The following OPHN1 variants were observed in gnomAD, a reference collection of about 807,000 sequenced individuals.
The protein encoded by OPHN1 is oligophrenin-1.
Under a neutral mutation model 60.7 loss-of-function variants are expected in OPHN1, and 11 were observed. The ratio of observed to expected loss-of-function variants is 0.18; its 90% CI spans 0.11 to 0.30. OPHN1 has a LOEUF of 0.30. Ranked by LOEUF, OPHN1 falls within the 10% of genes least tolerant of loss-of-function variation. The probability of loss-of-function intolerance (pLI) is 1.00; values close to 1 mark genes in which losing one functional copy is unlikely to be tolerated. For missense variants in OPHN1, 449 were observed against 611.0 expected (o/e 0.73, Z 2.80); for synonymous variants, 226 against 222.6 (o/e 1.02, Z -0.14).
At chrX:68,340,323 AC>A (rs1348186888) in intron 2 of OPHN1, among the ~76,000 whole-genome samples, 2 of 112,604 alleles carry the variant, frequency 1.8e-5, no homozygotes, top group East Asian at 5.6e-4. Context: ...CTACACAGCC[AC>A]AGTAATCATG....
chrX:68,054,439 A>G (rs2076864660), intron 21 of OPHN1, among the ~76,000 whole-genome samples: 1 of 111,315 alleles, frequency 9.0e-6, no homozygotes. Context: ...TCTAGAGGGC[A>G]TCAAGGATTC....
At chrX:68,174,469 C>CTTTTTT (rs767690922) in intron 15 of OPHN1, among the ~76,000 whole-genome samples, 1 of 76,305 alleles carries the variant, frequency 1.3e-5, no homozygotes, top group African/African-American at 5.1e-5. Context: ...TTAACTTATT[C>CTTTTTT]TTTTTTTTTT....
chrX:68,395,360 C>T (rs2078677964), intron 2 of OPHN1, among the ~76,000 whole-genome samples: 1 of 111,196 alleles, frequency 9.0e-6, no homozygotes, highest in South Asian at 3.7e-4. Flanking sequence ...TCTCCAACTC[C>T]TGAGCTCAAG....
At chrX:68,342,399 G>A (rs942872720) in intron 2 of OPHN1, among the ~76,000 whole-genome samples, 3 of 111,549 alleles carry the variant, frequency 2.7e-5, no homozygotes, top group Non-Finnish European at 3.8e-5. Context: ...TAATCCAATG[G>A]GAAAAGGGAA....
chrX:68,193,873 T>C lies in OPHN1; in HGVS notation c.1201+17A>G, dbSNP rs757444272. ...GACGAGATTCAGACAATGCCAAGAC[T>C]ATGGTTCAGATCTTACCTTTGGTCT... On this transcript the variant is annotated intron_variant, in intron 14 of 24. Coordinates refer to ENST00000355520, the MANE Select transcript of OPHN1 (RefSeq NM_002547.3). 1 of 1,183,296 alleles carries C rather than the reference T, an allele frequency of 8.5e-7. No individual in the cohort carries two copies. Among genetic ancestry groups the C allele is most frequent in the South Asian group, 1.8e-5 (1 of 56,303 alleles).
chrX:68,224,856 T>C (rs1217195293), intron 6 of OPHN1, among the ~76,000 whole-genome samples: 1 of 112,406 alleles, frequency 8.9e-6, no homozygotes, highest in Non-Finnish European at 1.9e-5. Context: ...AGCTACTGAG[T>C]TCATCTCACT....
At chrX:68,356,566 C>G (rs945750404) in intron 2 of OPHN1, among the ~76,000 whole-genome samples, 1 of 110,726 alleles carries the variant, frequency 9.0e-6, no homozygotes, top group Admixed American at 9.7e-5. Context: ...GTGCCTGCCA[C>G]CACGCCTGGC....
intron 15 of OPHN1, among the ~76,000 whole-genome samples, chrX:68,143,544 A>G (rs756138904): frequency 8.9e-6 from 1 of 111,753 alleles, no homozygotes; most frequent in Admixed American, 9.5e-5. Flanking sequence ...AACTGACAAC[A>G]TGACTCACTA....
rs549319137 is a variant in OPHN1, at chrX:68,400,245, G to A, written c.154+32622C>T. On this transcript the variant is annotated intron_variant, in intron 2 of 24. Transcript: ENST00000355520. ...TTTGTTTTCAATAAATCCCTGTTTC[G>A]TTCTTTTGTTGCTTCATTCTTTCTT... Among the ~76,000 whole-genome samples, 53 of 111,602 alleles carry A rather than the reference G, an allele frequency of 4.7e-4. No individual in the cohort carries two copies. The South Asian group carries it at 0.019, about 40-fold the overall frequency.
chrX:68,203,700 T>C (rs1364239052), intron 10 of OPHN1, among the ~76,000 whole-genome samples: 1 of 112,108 alleles, frequency 8.9e-6, no homozygotes, highest in Non-Finnish European at 1.9e-5. Context: ...ACCTGTTTAA[T>C]GCCCCTACAA....
intron 18 of OPHN1, among the ~76,000 whole-genome samples, chrX:68,102,846 T>A (rs1437172400): frequency 3.6e-5 from 4 of 111,643 alleles, no homozygotes; most frequent in African/African-American, 1.3e-4. Flanking sequence ...TATCCCTGAA[T>A]AGACCAATAA....
At chrX:68,387,429 A>C (rs1272073933) in intron 2 of OPHN1, among the ~76,000 whole-genome samples, 24 of 111,761 alleles carry the variant, frequency 2.1e-4, no homozygotes, top group Non-Finnish European at 1.9e-5. Flanking sequence ...TTCAATGCAC[A>C]GAGCCAGAAG....
intron 21 of OPHN1, among the ~76,000 whole-genome samples, chrX:68,059,951 T>C (rs1325230663): frequency 8.9e-6 from 1 of 112,091 alleles, no homozygotes; most frequent in Non-Finnish European, 1.9e-5. Flanking sequence ...ACTGCTTGCA[T>C]GCCAGTGTCA....
chrX:68,043,441 G>GT lies in OPHN1; in HGVS notation c.*3730dup, dbSNP rs1383092455. On this transcript the variant is annotated 3_prime_UTR_variant, in exon 25 of 25. Coordinates refer to ENST00000355520, the MANE Select transcript of OPHN1 (RefSeq NM_002547.3). ...TCTGAAATTTTTTATTATTTCTGAT[G>GT]TTTTTTTCCAGGCTTGTAATGTGTC... 2.7e-5 allele frequency: 3 copies of GT among 109,539 alleles called. No homozygotes were observed. In the East Asian group the frequency reaches 8.7e-4, roughly 32 times the overall value. The allele number at this position is 109,539 out of a possible 1,213,427, so 9.0% of individuals were successfully genotyped here.
At chrX:68,248,072 A>G (rs1374656056) in intron 5 of OPHN1, among the ~76,000 whole-genome samples, 1 of 111,228 alleles carries the variant, frequency 9.0e-6, no homozygotes, top group African/African-American at 3.3e-5. Flanking sequence ...ACCTGGTTGT[A>G]ACTTCATATC....
chrX:68,287,641 G>T (rs968119006), intron 3 of OPHN1, among the ~76,000 whole-genome samples: 1 of 111,736 alleles, frequency 8.9e-6, no homozygotes, highest in African/African-American at 3.3e-5. Context: ...CTAGAATGGT[G>T]GTTTGCACAC....
intron 7 of OPHN1, among the ~76,000 whole-genome samples, chrX:68,212,446 G>A (rs1022577738): frequency 9.0e-5 from 10 of 111,134 alleles, no homozygotes; most frequent in South Asian, 7.7e-4. Context: ...TTAGCTGGCC[G>A]TGGTGGCGCA....
intron 15 of OPHN1, among the ~76,000 whole-genome samples, chrX:68,156,880 T>C (rs975242829): frequency 9.0e-6 from 1 of 111,728 alleles, no homozygotes; most frequent in African/African-American, 3.3e-5. Flanking sequence ...TGAACTCTTG[T>C]TTATTGACAG....
chrX:68,360,511 C>T (rs1023758355), intron 2 of OPHN1, among the ~76,000 whole-genome samples: 16 of 111,050 alleles, frequency 1.4e-4, no homozygotes, highest in African/African-American at 4.3e-4. Flanking sequence ...AAATAGATAA[C>T]CAGCACAGTA....
Sources: gnomAD v4.1 joint callset for allele counts (sites outside exome capture counted in the v4.1 genomes callset) on GRCh38, gnomAD v4.1.1 for gene constraint, MANE v1.5 for transcripts, NCBI Gene and HGNC (gene_info 2026-07-23, HGNC 2026-07-21) for gene names.